The following COLGALT2 variants were observed in gnomAD, a reference collection of about 807,000 sequenced individuals.
COLGALT2 encodes collagen beta(1-O)galactosyltransferase 2, also known as procollagen galactosyltransferase 2.
A neutral mutation model predicts 73.4 loss-of-function variants in COLGALT2; 49 were observed. That is an observed-to-expected ratio of 0.67 (90% CI 0.53 to 0.85). The LOEUF (loss-of-function observed/expected upper bound fraction) is 0.85. Ranked by LOEUF, COLGALT2 falls within the 40% of genes least tolerant of loss-of-function variation. COLGALT2 has a pLI of 0.00. For missense variants in COLGALT2, 722 were observed against 790.2 expected, an observed-to-expected ratio of 0.91 and a Z score of 1.03; for synonymous variants, 295 against 307.6, an observed-to-expected ratio of 0.96 and a Z score of 0.43.
In COLGALT2 at chr1:183,975,103, G is replaced by A. The variant is rs1366122056; in HGVS notation, c.486C>T (p.Tyr162=). Reference sequence around the variant, plus strand: ...ATCAAACATCTGTTTTTACCAGAATGTAGTCTGACCATTTTTCCCTCGCAG... The same window carrying A: ...ATCAAACATCTGTTTTTACCAGAATATAGTCTGACCATTTTTCCCTCGCAG... ...LRTAREKWSD[Y]ILFIDVDNFL... The change falls in exon 3 of 12, where the codon TAC becomes TAT. Residue 162 remains tyrosine (Y), a synonymous_variant. Transcript: ENST00000361927. The A allele has an allele frequency of 6.2e-7, 1 of 1,608,064 alleles. No homozygotes were observed. Among genetic ancestry groups the A allele is most frequent in the African/African-American group, 1.3e-5 (1 of 74,930 alleles).
intron 7 of COLGALT2, 42 bp from the exon 8 acceptor site, chr1:183,951,155 A>G (rs1463580913): frequency 7.1e-7 from 1 of 1,416,564 alleles, no homozygotes; most frequent in Middle Eastern, 1.8e-4. Flanking sequence ...TAAATTACTC[A>G]AGTCTTCTTT....
chr1:183,956,109 A>C (rs976626079), intron 6 of COLGALT2, among the ~76,000 whole-genome samples: 3 of 152,240 alleles, frequency 2.0e-5, no homozygotes, highest in Non-Finnish European at 4.4e-5. Flanking sequence ...TTGGATAGCA[A>C]GAAATAAGCC....
intron 6 of COLGALT2, among the ~76,000 whole-genome samples, chr1:183,956,963 C>A (rs1670569898): frequency 6.6e-6 from 1 of 152,114 alleles, no homozygotes; most frequent in Admixed American, 6.5e-5. Context: ...TGTTTGTAGT[C>A]ATTTCTGACT....
chr1:184,007,113 T>G (rs893049729), intron 1 of COLGALT2, among the ~76,000 whole-genome samples: 1 of 152,182 alleles, frequency 6.6e-6, no homozygotes, highest in Non-Finnish European at 1.5e-5. Flanking sequence ...AGTATGGGTG[T>G]CAGTGGCTTA....
intron 1 of COLGALT2, among the ~76,000 whole-genome samples, chr1:183,984,206 G>A (rs1671427138): frequency 6.6e-6 from 1 of 152,148 alleles, no homozygotes; most frequent in African/African-American, 2.4e-5. Flanking sequence ...GGAGTTCAAG[G>A]CCAGCCCAGC....
At chr1:183,990,540 T>G (rs891363992) in intron 1 of COLGALT2, among the ~76,000 whole-genome samples, 3 of 152,220 alleles carry the variant, frequency 2.0e-5, no homozygotes, top group Non-Finnish European at 4.4e-5. Context: ...GATGGATATA[T>G]GACAAGGTCT....
At chr1:184,006,101 T>C (rs994629521) in intron 1 of COLGALT2, among the ~76,000 whole-genome samples, 1 of 152,232 alleles carries the variant, frequency 6.6e-6, no homozygotes, top group South Asian at 2.1e-4. Flanking sequence ...ATGTACAGTT[T>C]TCTATGCTCT....
chr1:184,010,059 A>G (rs1438176387), intron 1 of COLGALT2, among the ~76,000 whole-genome samples: 1 of 152,106 alleles, frequency 6.6e-6, no homozygotes, highest in Non-Finnish European at 1.5e-5. Flanking sequence ...ATCCTGCAAA[A>G]TCTTCCACTG....
At chr1:184,014,647 A>C (rs1029436373) in intron 1 of COLGALT2, among the ~76,000 whole-genome samples, 2 of 152,180 alleles carry the variant, frequency 1.3e-5, no homozygotes, top group African/African-American at 4.8e-5. Context: ...GTAATAAATA[A>C]ATATCTGTTG....
chr1:184,028,263 G>T (rs1649390235), intron 1 of COLGALT2, among the ~76,000 whole-genome samples: 1 of 152,186 alleles, frequency 6.6e-6, no homozygotes, highest in Non-Finnish European at 1.5e-5. Flanking sequence ...TTAGTCTCTA[G>T]AAAATTCTAC....
chr1:183,975,514 A>G (rs1270280773), intron 2 of COLGALT2, among the ~76,000 whole-genome samples: 1 of 152,234 alleles, frequency 6.6e-6, no homozygotes, highest in Non-Finnish European at 1.5e-5. Flanking sequence ...AGGGTAGAGC[A>G]GTTAAGTCAT....
At chr1:183,995,768 A>G (rs901077602) in intron 1 of COLGALT2, among the ~76,000 whole-genome samples, 4 of 151,466 alleles carry the variant, frequency 2.6e-5, no homozygotes, top group Admixed American at 1.3e-4. Context: ...ATGTAAGTTT[A>G]TTGTCTTTCT....
intron 1 of COLGALT2, among the ~76,000 whole-genome samples, chr1:184,035,005 A>G (rs547849469): frequency 6.6e-6 from 1 of 152,334 alleles, no homozygotes; most frequent in South Asian, 2.1e-4. Flanking sequence ...AGACAGAACC[A>G]AAATTTTTCA....
chr1:183,933,649 T>G (rs1669888797), downstream of COLGALT2, among the ~76,000 whole-genome samples: 1 of 151,988 alleles, frequency 6.6e-6, no homozygotes, highest in African/African-American at 2.4e-5. Context: ...AGCTGCCCAC[T>G]CCACTTTGAA....
intron 1 of COLGALT2, among the ~76,000 whole-genome samples, chr1:184,015,731 T>C (rs572364924): frequency 2.6e-4 from 39 of 152,294 alleles, no homozygotes; most frequent in Non-Finnish European, 4.9e-4. Context: ...GTGGGGCTGA[T>C]GTGAAGGAGA....
At chr1:184,020,703 T>C (rs1036400222) in intron 1 of COLGALT2, among the ~76,000 whole-genome samples, 9 of 152,200 alleles carry the variant, frequency 5.9e-5, no homozygotes, top group African/African-American at 2.2e-4. Flanking sequence ...TTTTTGTTCA[T>C]TTATTTGTGT....
intron 1 of COLGALT2, among the ~76,000 whole-genome samples, chr1:184,010,735 A>C (rs1224938664): frequency 2.0e-5 from 3 of 152,202 alleles, no homozygotes; most frequent in Non-Finnish European, 4.4e-5. Flanking sequence ...GGGCCACCAA[A>C]TACCCTGCTT....
At position 183,940,586 on chromosome 1, in the gene COLGALT2, A is replaced by T. The variant is rs1670079570; in HGVS notation, c.1599T>A (p.His533Gln). 1 of 1,614,144 alleles carries T rather than the reference A, an allele frequency of 6.2e-7. No individual in the cohort carries two copies. The highest frequency in any genetic ancestry group is 1.7e-4 in the Middle Eastern group (1 of 6,052). ...DEFLPVMYNK[H>Q]PVAEYKEYYE... ...GGCAGTTCAGGGAGACTCACACGGG[A>T]TGCTTGTTGTACATGACTGGCAGAA... Residue 533 changes from histidine to glutamine, a missense_variant, in exon 11 of 12, where the codon CAT (histidine) becomes CAA (glutamine). His to Gln is a conservative substitution (Grantham distance 24). Coordinates refer to ENST00000361927, the MANE Select transcript of COLGALT2 (RefSeq NM_015101.4).
chr1:183,941,324 G>A lies in COLGALT2; in HGVS notation c.1398-537C>T, dbSNP rs571363058. 5.1e-4 allele frequency among the ~76,000 whole-genome samples: 78 copies of A among 152,310 alleles called. 1 individual carries two copies. The highest frequency in any genetic ancestry group is 4.1e-3 in the South Asian group (20 of 4,820). On this transcript the variant is annotated intron_variant, in intron 10 of 11. Transcript: ENST00000361927. ...GTGGCCCTAAGGGGTTCCTTTTGGGGAGGATGAATGACAGCTCCTGACAGG... is the reference window on the plus strand; with the variant it reads ...GTGGCCCTAAGGGGTTCCTTTTGGGAAGGATGAATGACAGCTCCTGACAGG...
Sources: allele counts gnomAD v4.1 joint callset (sites outside exome capture counted in the v4.1 genomes callset), GRCh38; gene constraint gnomAD v4.1.1; transcripts MANE v1.5; gene names NCBI Gene and HGNC (gene_info 2026-07-23, HGNC 2026-07-21).